The following MAP3K5 variants were observed in gnomAD, a reference collection of about 807,000 sequenced individuals.
The protein encoded by MAP3K5 is mitogen-activated protein kinase kinase kinase 5.
In MAP3K5, 56 loss-of-function variants were observed where a neutral mutation model predicts 158.7. That is an observed-to-expected ratio of 0.35 (90% confidence interval 0.28 to 0.44). The LOEUF (loss-of-function observed/expected upper bound fraction) is 0.44, where lower values mean the gene tolerates loss of function less well. Ranked by LOEUF, MAP3K5 falls within the 20% of genes least tolerant of loss-of-function variation. MAP3K5 has a pLI of 1.00. For missense variants in MAP3K5, 1,294 were observed against 1,674.8 expected (o/e 0.77, Z 3.97); for synonymous variants, 579 against 601.7 (o/e 0.96, Z 0.55).
chr6:136,627,503 C>G (rs142043534), intron 14 of MAP3K5, among the ~76,000 whole-genome samples: 58 of 152,300 alleles, frequency 3.8e-4, no homozygotes, highest in Non-Finnish European at 6.2e-4. Flanking sequence ...TTGCGTACCC[C>G]CCTCTTCAGC....
chr6:136,734,890 CTTGT>C (rs1355675760), intron 1 of MAP3K5, among the ~76,000 whole-genome samples: 2 of 152,194 alleles, frequency 1.3e-5, no homozygotes, highest in Non-Finnish European at 2.9e-5. Context: ...TTAATTGGCA[CTTGT>C]TTAAGTTACA....
intron 2 of MAP3K5, among the ~76,000 whole-genome samples, chr6:136,719,949 T>C (rs1781681084): frequency 6.6e-6 from 1 of 152,208 alleles, no homozygotes; most frequent in Non-Finnish European, 1.5e-5. Flanking sequence ...CGAGACAGGT[T>C]GAATTTTGTA....
At chr6:136,689,027 C>T (rs895808714) in intron 7 of MAP3K5, among the ~76,000 whole-genome samples, 6 of 151,988 alleles carry the variant, frequency 3.9e-5, no homozygotes, top group Non-Finnish European at 7.4e-5. Flanking sequence ...AGGCCAAGTA[C>T]AGTGGCTCAT....
At chr6:136,670,671 ATAAAT>A (rs759420399) in intron 7 of MAP3K5, among the ~76,000 whole-genome samples, 3 of 152,186 alleles carry the variant, frequency 2.0e-5, no homozygotes, top group Admixed American at 2.0e-4. Context: ...ATAATTTAAA[ATAAAT>A]TAAACATCAA....
intron 1 of MAP3K5, among the ~76,000 whole-genome samples, chr6:136,751,265 A>G (rs1422217812): frequency 2.0e-5 from 3 of 152,076 alleles, no homozygotes; most frequent in African/African-American, 7.2e-5. Context: ...AATTATGGCA[A>G]TATCTTTCTG....
At chr6:136,774,832 T>C (rs1443284531) in intron 1 of MAP3K5, among the ~76,000 whole-genome samples, 1 of 152,232 alleles carries the variant, frequency 6.6e-6, no homozygotes, top group African/African-American at 2.4e-5. Context: ...GACATGGAAC[T>C]ATATTCTAAT....
chr6:136,723,592 T>C (rs1259398320), intron 1 of MAP3K5, among the ~76,000 whole-genome samples: 3 of 152,164 alleles, frequency 2.0e-5, no homozygotes, highest in South Asian at 2.1e-4. Flanking sequence ...TAGGAATCTA[T>C]CAAAATATAA....
intron 11 of MAP3K5, among the ~76,000 whole-genome samples, chr6:136,647,491 G>A (rs1778318528): frequency 6.6e-6 from 1 of 152,090 alleles, no homozygotes; most frequent in Non-Finnish European, 1.5e-5. Flanking sequence ...CTGCCTTCCT[G>A]CCAGCTCTCA....
At chr6:136,740,053 A>G (rs1782645881) in intron 1 of MAP3K5, among the ~76,000 whole-genome samples, 1 of 152,200 alleles carries the variant, frequency 6.6e-6, no homozygotes, top group East Asian at 1.9e-4. Flanking sequence ...ATGTTCTTCA[A>G]ATTATTCTCA....
intron 7 of MAP3K5, among the ~76,000 whole-genome samples, chr6:136,672,485 C>T (rs1288249947): frequency 6.6e-6 from 1 of 152,132 alleles, no homozygotes; most frequent in Admixed American, 6.5e-5. Flanking sequence ...GATTTCTTGA[C>T]AATTGCGTGG....
At chr6:136,574,947 C>T (rs1259900770) in intron 25 of MAP3K5, among the ~76,000 whole-genome samples, 1 of 151,968 alleles carries the variant, frequency 6.6e-6, no homozygotes, top group African/African-American at 2.4e-5. Flanking sequence ...CCTCGGCCTC[C>T]CAAAGTGCTG....
intron 7 of MAP3K5, among the ~76,000 whole-genome samples, chr6:136,685,466 T>C (rs1236776895): frequency 2.6e-5 from 4 of 152,140 alleles, no homozygotes; most frequent in Non-Finnish European, 5.9e-5. Flanking sequence ...TTGAATCAGA[T>C]AATATGCCCA....
chr6:136,641,753 C>CCT (rs1777949754), intron 12 of MAP3K5, among the ~76,000 whole-genome samples: 1 of 151,320 alleles, frequency 6.6e-6, no homozygotes, highest in Non-Finnish European at 1.5e-5. Context: ...TTTTGGAAGC[C>CCT]CTACACGGGC....
At chr6:136,638,684 G>A (rs1489116768) in intron 13 of MAP3K5, among the ~76,000 whole-genome samples, 2 of 149,014 alleles carry the variant, frequency 1.3e-5, no homozygotes, top group African/African-American at 4.9e-5. Context: ...CCCACCATAT[G>A]TTTTATGATA....
intron 7 of MAP3K5, among the ~76,000 whole-genome samples, chr6:136,689,106 C>A (rs1328704928): frequency 6.6e-6 from 1 of 151,686 alleles, no homozygotes; most frequent in Non-Finnish European, 1.5e-5. Context: ...TCAAGACCAA[C>A]CTGGCCAACA....
chr6:136,583,870 C>A (rs1261671670), intron 23 of MAP3K5, 130 bp from the exon 24 acceptor site: 1 of 772,388 alleles, frequency 1.3e-6, no homozygotes, highest in Non-Finnish European at 2.0e-6. Context: ...ACTATATTGC[C>A]CAGGCTGGTC....
Position 136,702,557 on chromosome 6 carries a change from G to C in MAP3K5, c.612+2553C>G, listed in dbSNP as rs960202778. The stretch of plus-strand genomic sequence containing the variant: ...GGAACAATTGCCTTTTATTAATAAA[G>C]TACTCATTCTAAAATATTTAAACTT... On this transcript the variant is annotated intron_variant, in intron 3 of 29. Coordinates refer to ENST00000359015, the MANE Select transcript of MAP3K5 (RefSeq NM_005923.4). Among the ~76,000 whole-genome samples, 13 of 152,244 alleles carry C rather than the reference G, an allele frequency of 8.5e-5. 1 individual carries two copies. Among genetic ancestry groups the C allele is most frequent in the African/African-American group, 3.1e-4 (13 of 41,540 alleles).
intron 1 of MAP3K5, among the ~76,000 whole-genome samples, chr6:136,790,289 G>A (rs17065625): frequency 0.1 from 15,692 of 151,906 alleles, 1,670 homozygotes; most frequent in African/African-American, 0.27. Flanking sequence ...AGAGCCCTAG[G>A]AAAAAAACGC....
At chr6:136,580,619 A>C (rs1307074326) in intron 24 of MAP3K5, among the ~76,000 whole-genome samples, 3 of 152,216 alleles carry the variant, frequency 2.0e-5, no homozygotes, top group Non-Finnish European at 4.4e-5. Context: ...AAGTTATTTA[A>C]GTGAAAGGCA....
Sources: allele counts gnomAD v4.1 joint callset (sites outside exome capture counted in the v4.1 genomes callset), GRCh38; gene constraint gnomAD v4.1.1; transcripts MANE v1.5; gene names NCBI Gene and HGNC (gene_info 2026-07-23, HGNC 2026-07-21).